The following C6orf120 variants were observed in gnomAD, a reference collection of about 807,000 sequenced individuals.
C6orf120 encodes the protein chromosome 6 open reading frame 120.
For missense variants in C6orf120, 311 were observed against 264.2 expected, an observed-to-expected ratio of 1.18 and a Z score of -1.23; for synonymous variants, 165 against 123.1, an observed-to-expected ratio of 1.34 and a Z score of -2.25.
At chr6:169,703,192 C>T in exon 1 of C6orf120, 2 of 716,018 alleles carry the variant, frequency 2.8e-6, no homozygotes, top group Non-Finnish European at 4.7e-6. Flanking sequence ...CTCAGTTACC[C>T]CAAAAATAGG....
upstream of C6orf120, chr6:169,702,127 C>G (rs376248343): frequency 1.7e-6 from 1 of 572,906 alleles, no homozygotes; most frequent in Non-Finnish European, 3.3e-6. Flanking sequence ...CCTAGCGTCA[C>G]TTCCGCCTCC....
chr6:169,704,085 C>T lies in C6orf120; in HGVS notation c.*1050C>T, dbSNP rs148902304. The T allele has an allele frequency of 3.6e-4, 570 of 1,573,258 alleles. No individual in the cohort carries two copies. The highest frequency in any genetic ancestry group is 3.2e-3 in the Middle Eastern group (19 of 5,934). Reference sequence around the variant, plus strand: ...CCGCTGACAACAGTCACAAATCCAGCGACCTAGGAAAAAAATTGTTAATAT... The same window carrying T: ...CCGCTGACAACAGTCACAAATCCAGTGACCTAGGAAAAAAATTGTTAATAT... On this transcript the variant is annotated 3_prime_UTR_variant, in exon 1 of 1. Coordinates refer to ENST00000332290, the Ensembl canonical transcript of C6orf120.
At chr6:169,705,634 A>G, downstream of C6orf120, 4 of 1,482,030 alleles carry the variant, frequency 2.7e-6, no homozygotes, top group Non-Finnish European at 3.8e-6. Flanking sequence ...TCACATTGGG[A>G]GCAGTGTATA....
At position 169,702,781 on chromosome 6, in the gene C6orf120, G is replaced by A. The variant is rs541203263; in HGVS notation, c.322G>A (p.Ala108Thr). Residue 108 changes from alanine (A) to threonine (T), a missense_variant, in exon 1 of 1, where the codon GCG (alanine) becomes ACG (threonine). Transcript: ENST00000332290. ...CGGCCCGGACGCCGTGTCCATCCCC[G>A]CGCACTTCCGGCGCCCAGTGGGCAT... is the stretch of plus-strand genomic sequence containing the variant. 1.5e-5 allele frequency: 25 copies of A among 1,613,178 alleles called. No individual in the cohort carries two copies. In the Admixed American group the frequency reaches 3.8e-4, roughly 25 times the overall value.
At chr6:169,702,493 A>G in exon 1 of C6orf120, 4 of 1,585,488 alleles carry the variant, frequency 2.5e-6, no homozygotes, top group Non-Finnish European at 3.4e-6. Flanking sequence ...CGCGCCCTGG[A>G]CGACGGCCCT....
At chr6:169,704,397 C>A in exon 1 of C6orf120, 1 of 316,072 alleles carries the variant, frequency 3.2e-6, no homozygotes, top group Non-Finnish European at 6.0e-6. Flanking sequence ...AAGGTCAAAA[C>A]CCATTCCGGA....
chr6:169,704,288 G>T, exon 1 of C6orf120: 1 of 512,180 alleles, frequency 2.0e-6, no homozygotes, highest in Non-Finnish European at 3.5e-6. Context: ...AAAATTCATT[G>T]CAAGTCAAGG....
chr6:169,702,382 C>G, exon 1 of C6orf120: 5 of 886,052 alleles, frequency 5.6e-6, no homozygotes, highest in Non-Finnish European at 8.4e-6. Context: ...ACGGCGGGGA[C>G]AGGCTCCGGT....
At chr6:169,702,677 A>C in exon 1 of C6orf120, 1 of 1,613,500 alleles carries the variant, frequency 6.2e-7, no homozygotes, top group Non-Finnish European at 8.5e-7. Flanking sequence ...CGCAGCCTCA[A>C]GGGAGATGCG....
At chr6:169,705,116 C>CT, downstream of C6orf120, 1 of 1,571,682 alleles carries the variant, frequency 6.4e-7, no homozygotes, top group Non-Finnish European at 8.6e-7. Flanking sequence ...AATGTTTGCT[C>CT]TTTTTTTAAT....
chr6:169,702,416 G>A, exon 1 of C6orf120: 1 of 1,253,812 alleles, frequency 8.0e-7, no homozygotes, highest in East Asian at 2.5e-5. Flanking sequence ...GGTGTCCCCA[G>A]CAGCACTGAC....
chr6:169,705,668 G>A, downstream of C6orf120: 2 of 1,594,068 alleles, frequency 1.3e-6, no homozygotes, highest in Non-Finnish European at 1.7e-6. Flanking sequence ...TTCCTTTCTT[G>A]TTGGACTCCT....
chr6:169,704,481 T>C (rs1788702460), exon 1 of C6orf120: 1 of 193,798 alleles, frequency 5.2e-6, no homozygotes, highest in Non-Finnish European at 1.1e-5. Context: ...TTTCAAGTCC[T>C]GGTGTACTCT....
At position 169,702,241 on chromosome 6, in the gene C6orf120, CTGCCCT is replaced by C. The variant is rs928718398; in HGVS notation, c.-218_-213del. 28 of 693,156 alleles carry C rather than the reference CTGCCCT, an allele frequency of 4.0e-5. No homozygotes were observed. The highest frequency in any genetic ancestry group is 1.6e-4 in the East Asian group (6 of 36,636). 42.9% of individuals were successfully genotyped at this position (693,156 alleles called of 1,614,324 possible). On this transcript the variant is annotated 5_prime_UTR_variant, in exon 1 of 1. An upstream open reading frame in the 5' UTR loses its in-frame stop. Coordinates refer to ENST00000332290, the Ensembl canonical transcript of C6orf120. ...AGCGGCCCTGCCCCTGCCCCTGCCC[CTGCCCT>C]GAGTGGGCGCCGCGCTACGGGGGAG...
chr6:169,702,999 T>C (rs750291340), exon 1 of C6orf120: 1 of 1,574,912 alleles, frequency 6.3e-7, no homozygotes, highest in Non-Finnish European at 8.6e-7. Flanking sequence ...CGATATTAAT[T>C]AGCATTTTGA....
chr6:169,703,176 T>C, exon 1 of C6orf120: 1 of 891,238 alleles, frequency 1.1e-6, no homozygotes. Context: ...TACGCAGTTT[T>C]GTTACCTCAG....
exon 1 of C6orf120, chr6:169,702,292 C>T (rs965421468): frequency 2.8e-5 from 19 of 671,590 alleles, no homozygotes; most frequent in Middle Eastern, 3.6e-4. Flanking sequence ...CACCCCTCCT[C>T]CCCGGGGCCT....
downstream of C6orf120, chr6:169,705,121 T>G: frequency 6.3e-7 from 1 of 1,579,292 alleles, no homozygotes; most frequent in Non-Finnish European, 8.6e-7. Context: ...TTGCTCTTTT[T>G]TTAATCTTTA....
exon 1 of C6orf120, chr6:169,702,930 C>G (rs756160263): frequency 4.3e-5 from 70 of 1,612,244 alleles, no homozygotes; most frequent in Non-Finnish European, 5.5e-5. Flanking sequence ...CAGATGCCGG[C>G]CAGAAGCACG....
Sources: gnomAD v4.1 joint callset for allele counts on GRCh38, gnomAD v4.1.1 for gene constraint, MANE v1.5 for transcripts, NCBI Gene and HGNC (gene_info 2026-07-23, HGNC 2026-07-21) for gene names.